SAMD5: variants seen among roughly 807,000 people sequenced by gnomAD.
The protein encoded by SAMD5 is sterile alpha motif domain containing 5.
In SAMD5, 13 loss-of-function variants were observed where a neutral mutation model predicts 11.3. The observed-to-expected ratio is 1.15, with a 90% CI of 0.75 to 1.83. SAMD5 has a LOEUF of 1.83. Among genes scored for constraint, SAMD5 ranks in the 40% most tolerant of loss-of-function variants. The probability of loss-of-function intolerance (pLI) is 0.00; values close to 1 mark genes in which losing one functional copy is unlikely to be tolerated. For missense variants in SAMD5, 255 were observed against 239.1 expected, an observed-to-expected ratio of 1.07 and a Z score of -0.44; for synonymous variants, 129 against 111.3, an observed-to-expected ratio of 1.16 and a Z score of -1.00.
intron 1 of SAMD5, among the ~76,000 whole-genome samples, chr6:147,685,141 C>T (rs913994762): frequency 6.6e-6 from 1 of 152,104 alleles, no homozygotes; most frequent in Non-Finnish European, 1.5e-5. Flanking sequence ...TGGCTTATTC[C>T]TCCATACTTC....
chr6:147,856,529 A>C, the SAMD5 span, among the ~76,000 whole-genome samples: 1 of 152,204 alleles, frequency 6.6e-6, no homozygotes, highest in African/African-American at 2.4e-5. Flanking sequence ...TTCTTTCAAG[A>C]GATGTAAGAT....
At chr6:147,838,939 A>C in the SAMD5 span, among the ~76,000 whole-genome samples, 1 of 152,228 alleles carries the variant, frequency 6.6e-6, no homozygotes, top group Non-Finnish European at 1.5e-5. Flanking sequence ...TTTTGGGGTC[A>C]AAGGCAAGGC....
At chr6:147,721,619 G>T (rs1037918872) in intron 1 of SAMD5, among the ~76,000 whole-genome samples, 7 of 152,090 alleles carry the variant, frequency 4.6e-5, no homozygotes, top group Non-Finnish European at 8.8e-5. Flanking sequence ...AGATAAGTAG[G>T]TTGCGAAAAT....
chr6:147,578,963 C>T (rs1048257628), intron 1 of SAMD5, among the ~76,000 whole-genome samples: 4 of 152,192 alleles, frequency 2.6e-5, no homozygotes, highest in Non-Finnish European at 5.9e-5. Context: ...TAGTTCTATG[C>T]GTAGTAAATG....
intron 1 of SAMD5, among the ~76,000 whole-genome samples, chr6:147,544,805 T>C (rs1051505411): frequency 6.6e-6 from 1 of 152,230 alleles, no homozygotes; most frequent in Non-Finnish European, 1.5e-5. Context: ...CATAATTTTG[T>C]TTCAGAATGG....
At chr6:147,638,622 C>T (rs531378009) in intron 1 of SAMD5, among the ~76,000 whole-genome samples, 15 of 152,204 alleles carry the variant, frequency 9.9e-5, no homozygotes, top group South Asian at 4.1e-4. Context: ...TGTGTGGGCT[C>T]GGGTAACTGT....
At chr6:147,921,323 CAGAAGA>C in the SAMD5 span, among the ~76,000 whole-genome samples, 1 of 119,080 alleles carries the variant, frequency 8.4e-6, no homozygotes, top group Non-Finnish European at 1.7e-5. Flanking sequence ...ACTTCAAAAC[CAGAAGA>C]AGAAGAAACA....
chr6:147,837,572 G>A, the SAMD5 span, among the ~76,000 whole-genome samples: 2 of 152,198 alleles, frequency 1.3e-5, no homozygotes, highest in African/African-American at 4.8e-5. Flanking sequence ...TAGACCTGCA[G>A]CAAACATCTT....
intron 1 of SAMD5, among the ~76,000 whole-genome samples, chr6:147,674,558 G>A (rs558634827): frequency 1.3e-5 from 2 of 152,180 alleles, no homozygotes; most frequent in Non-Finnish European, 2.9e-5. Flanking sequence ...AGGCACTACA[G>A]CACTGTTTGT....
At chr6:147,942,424 G>A in the SAMD5 span, among the ~76,000 whole-genome samples, 10 of 152,160 alleles carry the variant, frequency 6.6e-5, no homozygotes, top group African/African-American at 1.9e-4. Flanking sequence ...TGTCCTATTC[G>A]ACTTGAACTT....
chr6:147,589,492 C>T (rs1173656859), intron 1 of SAMD5, among the ~76,000 whole-genome samples: 2 of 152,122 alleles, frequency 1.3e-5, no homozygotes, highest in Non-Finnish European at 2.9e-5. Context: ...CTACCTGGGT[C>T]CAAATCCCAG....
At chr6:147,588,508 T>C (rs1305610163) in intron 1 of SAMD5, among the ~76,000 whole-genome samples, 2 of 151,860 alleles carry the variant, frequency 1.3e-5, no homozygotes, top group Admixed American at 6.6e-5. Context: ...GCATTTTTAG[T>C]AGAGACAGGG....
intron 1 of SAMD5, among the ~76,000 whole-genome samples, chr6:147,667,919 A>AT (rs1310179680): frequency 6.6e-6 from 1 of 152,202 alleles, no homozygotes; most frequent in Non-Finnish European, 1.5e-5. Context: ...AGTCCAGGTG[A>AT]TAAAATTAAC....
intron 1 of SAMD5, among the ~76,000 whole-genome samples, chr6:147,632,107 G>A (rs1790160431): frequency 6.6e-6 from 1 of 152,102 alleles, no homozygotes; most frequent in African/African-American, 2.4e-5. Flanking sequence ...TTGCCATGAG[G>A]GATAGAAGTT....
chr6:147,673,416 T>C (rs564884886), intron 1 of SAMD5, among the ~76,000 whole-genome samples: 1 of 152,264 alleles, frequency 6.6e-6, no homozygotes, highest in East Asian at 1.9e-4. Context: ...GGTTTCACTG[T>C]GTTAGCCAGG....
At chr6:147,510,201 T>C (rs577319285) in intron 1 of SAMD5, among the ~76,000 whole-genome samples, 4 of 152,318 alleles carry the variant, frequency 2.6e-5, no homozygotes, top group African/African-American at 7.2e-5. Context: ...AGGGGAATCC[T>C]CTGCACCGGG....
At chr6:147,602,867 A>C (rs555586095) in intron 1 of SAMD5, among the ~76,000 whole-genome samples, 1 of 152,334 alleles carries the variant, frequency 6.6e-6, no homozygotes, top group South Asian at 2.1e-4. Flanking sequence ...AGAAATATTC[A>C]GGCCAATAAT....
chr6:147,914,566 G>C, the SAMD5 span, among the ~76,000 whole-genome samples: 1 of 152,126 alleles, frequency 6.6e-6, no homozygotes, highest in Admixed American at 6.6e-5. Flanking sequence ...GTGCTGAATT[G>C]GAGAGTCAGC....
chr6:147,792,262 TA>T, the SAMD5 span, among the ~76,000 whole-genome samples: 2 of 152,174 alleles, frequency 1.3e-5, no homozygotes, highest in African/African-American at 2.4e-5. Flanking sequence ...TTCTGGTTGA[TA>T]AAAGGTTGCC....
Sources: gnomAD v4.1 joint callset for allele counts (sites outside exome capture counted in the v4.1 genomes callset) on GRCh38, gnomAD v4.1.1 for gene constraint, MANE v1.5 for transcripts, NCBI Gene and HGNC (gene_info 2026-07-23, HGNC 2026-07-21) for gene names.